Variants in CLSTN2 observed in about 807,000 individuals in gnomAD.
CLSTN2 encodes the protein calsyntenin 2, also known as calsyntenin-2.
In CLSTN2, 48 loss-of-function variants were observed where a neutral mutation model predicts 101.2. The observed-to-expected ratio is 0.47, with a 90% confidence interval of 0.38 to 0.60. The LOEUF (loss-of-function observed/expected upper bound fraction) is 0.60. Ranked by LOEUF, CLSTN2 falls within the 20% of genes least tolerant of loss-of-function variation. The pLI, the probability that CLSTN2 is intolerant of heterozygous loss-of-function variation, is 0.00. For synonymous variants in CLSTN2, 481 were observed against 463.6 expected (o/e 1.04, Z -0.48); for missense variants, 1,160 against 1,238.2 (o/e 0.94, Z 0.95).
intron 1 of CLSTN2, among the ~76,000 whole-genome samples, chr3:140,070,873 T>A (rs915721020): frequency 6.6e-6 from 1 of 152,104 alleles, no homozygotes; most frequent in Non-Finnish European, 1.5e-5. Context: ...AAAGGCAGAG[T>A]TGAGTAGTTA....
Position 140,566,737 on chromosome 3 carries a change from G to A in CLSTN2, c.*484G>A, listed in dbSNP as rs982627711. 2 of 171,656 alleles carry A rather than the reference G, an allele frequency of 1.2e-5. No individual in the cohort carries two copies. The highest frequency in any genetic ancestry group is 2.4e-5 in the African/African-American group (1 of 42,434). 10.6% of individuals were successfully genotyped at this position (171,656 alleles called of 1,614,324 possible). A position where few individuals can be genotyped will look rare whatever the true frequency, so the allele number is the denominator to read the frequency against. On this transcript the variant is annotated 3_prime_UTR_variant, in exon 17 of 17. Coordinates refer to ENST00000458420, the MANE Select transcript of CLSTN2 (RefSeq NM_022131.3). ...AACTTCACACACGTAAGGTCTTAGT[G>A]CTTAACAGTTTAAAGGAAAGTCCTT...
At chr3:140,029,470 A>C (rs934594802) in intron 1 of CLSTN2, among the ~76,000 whole-genome samples, 1 of 152,212 alleles carries the variant, frequency 6.6e-6, no homozygotes, top group African/African-American at 2.4e-5. Context: ...ATGTCTGCCC[A>C]ATGCCTGCAA....
At chr3:140,359,381 C>A (rs1202661751) in intron 2 of CLSTN2, among the ~76,000 whole-genome samples, 1 of 152,200 alleles carries the variant, frequency 6.6e-6, no homozygotes, top group East Asian at 1.9e-4. Flanking sequence ...AGCTCTTCTG[C>A]TCTAAATTTT....
intron 2 of CLSTN2, among the ~76,000 whole-genome samples, chr3:140,258,518 A>G (rs2107880974): frequency 6.6e-6 from 1 of 152,356 alleles, no homozygotes; most frequent in Admixed American, 6.5e-5. Context: ...TGAATGTGTC[A>G]CAATGAGAAT....
In CLSTN2 at chr3:140,318,510, T is replaced by C. The variant is rs185907568; in HGVS notation, c.233-85119T>C. 2.0e-4 allele frequency among the ~76,000 whole-genome samples: 30 copies of C among 152,302 alleles called. 1 individual carries two copies. The East Asian group carries it at 5.8e-3, about 29-fold the overall frequency. On this transcript the variant is annotated intron_variant, in intron 2 of 16. Transcript: ENST00000458420. ...TTGAAGAGCCCCTCTCGTATGTCTA[T>C]GTCTAGGAGATTATCAAGGGCCCCC...
chr3:140,226,251 G>A (rs72988183), intron 2 of CLSTN2, among the ~76,000 whole-genome samples: 4,877 of 152,284 alleles, frequency 0.032, 243 homozygotes, highest in African/African-American at 0.11. Flanking sequence ...TGTGGCTATA[G>A]AAGGGTAACA....
At chr3:140,445,603 AGATAGATGATTCTATATAGAGAAGG>A (rs1487119767) in intron 5 of CLSTN2, among the ~76,000 whole-genome samples, 1 of 152,108 alleles carries the variant, frequency 6.6e-6, no homozygotes, top group East Asian at 1.9e-4. Flanking sequence ...GAGAGAGGAG[AGATAGATGATTCTATATAGAGAAGG>A]GATAGATGGT....
intron 8 of CLSTN2, among the ~76,000 whole-genome samples, chr3:140,483,187 C>T (rs1934162408): frequency 6.6e-6 from 1 of 152,170 alleles, no homozygotes; most frequent in African/African-American, 2.4e-5. Context: ...TTTCTGCCTT[C>T]ATTTCGTTAT....
chr3:140,042,054 A>G (rs941734829), intron 1 of CLSTN2, among the ~76,000 whole-genome samples: 1 of 152,236 alleles, frequency 6.6e-6, no homozygotes, highest in African/African-American at 2.4e-5. Flanking sequence ...CTATTTAAAG[A>G]GCATGAGTCA....
At chr3:140,284,136 C>T (rs1190651847) in intron 2 of CLSTN2, among the ~76,000 whole-genome samples, 24 of 152,090 alleles carry the variant, frequency 1.6e-4, no homozygotes, top group Non-Finnish European at 2.9e-4. Flanking sequence ...AAGATACTCA[C>T]TGTTGAAATA....
intron 1 of CLSTN2, among the ~76,000 whole-genome samples, chr3:140,094,535 A>G (rs2008835562): frequency 6.6e-6 from 1 of 152,176 alleles, no homozygotes; most frequent in Non-Finnish European, 1.5e-5. Context: ...ATGAATTTTT[A>G]TTTCAAATGG....
At chr3:139,944,949 A>C (rs573358461) in intron 1 of CLSTN2, among the ~76,000 whole-genome samples, 1 of 152,360 alleles carries the variant, frequency 6.6e-6, no homozygotes, top group South Asian at 2.1e-4. Context: ...GGCAGATACC[A>C]GTGGAATTCT....
intron 1 of CLSTN2, among the ~76,000 whole-genome samples, chr3:140,046,770 T>C (rs1421269492): frequency 6.6e-6 from 1 of 152,230 alleles, no homozygotes; most frequent in African/African-American, 2.4e-5. Context: ...CCTTCACTTA[T>C]GAAGCTTAGT....
intron 2 of CLSTN2, among the ~76,000 whole-genome samples, chr3:140,190,490 G>T (rs2010544583): frequency 6.8e-6 from 1 of 147,322 alleles, no homozygotes; most frequent in African/African-American, 2.5e-5. Context: ...TAGGGGCTGA[G>T]TTAAACATGT....
At chr3:140,482,384 A>G (rs201860607) in intron 8 of CLSTN2, among the ~76,000 whole-genome samples, 124 of 152,254 alleles carry the variant, frequency 8.1e-4, no homozygotes, top group East Asian at 2.7e-3. Context: ...ATCAATATTA[A>G]TCAGGGATAC....
intron 8 of CLSTN2, among the ~76,000 whole-genome samples, chr3:140,525,644 A>G (rs1309107709): frequency 6.6e-6 from 1 of 152,198 alleles, no homozygotes. Flanking sequence ...CTTCAGGCCA[A>G]TATCCATGAT....
chr3:140,320,196 G>T (rs1009339029), intron 2 of CLSTN2, among the ~76,000 whole-genome samples: 1 of 152,174 alleles, frequency 6.6e-6, no homozygotes, highest in African/African-American at 2.4e-5. Context: ...AAGAACCTAA[G>T]AACTCCATGC....
At chr3:140,152,922 A>G (rs2009889860) in intron 1 of CLSTN2, among the ~76,000 whole-genome samples, 1 of 152,218 alleles carries the variant, frequency 6.6e-6, no homozygotes, top group Non-Finnish European at 1.5e-5. Context: ...CAGGCCCTGG[A>G]GCCAAAGTCT....
chr3:140,181,582 G>A (rs1375112182), intron 2 of CLSTN2, among the ~76,000 whole-genome samples: 1 of 152,014 alleles, frequency 6.6e-6, no homozygotes. Flanking sequence ...AAATTGTTCA[G>A]GATTCTACAA....
Sources: allele counts gnomAD v4.1 joint callset (sites outside exome capture counted in the v4.1 genomes callset), GRCh38; gene constraint gnomAD v4.1.1; transcripts MANE v1.5; gene names NCBI Gene and HGNC (gene_info 2026-07-23, HGNC 2026-07-21).